GRIN2D: variants seen among roughly 807,000 people sequenced by gnomAD.
The protein encoded by GRIN2D is glutamate ionotropic receptor NMDA type subunit 2D.
In GRIN2D, 37 loss-of-function variants were observed where a neutral mutation model predicts 103.2. That is an observed-to-expected ratio of 0.36 (90% CI 0.28 to 0.47). The LOEUF (loss-of-function observed/expected upper bound fraction) is 0.47, where lower values mean the gene tolerates loss of function less well. GRIN2D is among the 20% of genes least tolerant of loss of function. The pLI is 1.00. For synonymous variants in GRIN2D, 845 were observed against 885.6 expected (o/e 0.95, Z 0.81); for missense variants, 1,557 against 1,910.6 (o/e 0.81, Z 3.45).
intron 10 of GRIN2D, among the ~76,000 whole-genome samples, chr19:48,420,407 G>A (rs1971007638): frequency 6.6e-6 from 1 of 151,848 alleles, no homozygotes; most frequent in Non-Finnish European, 1.5e-5. Context: ...CAGCCAGCGC[G>A]ACAGAGTTAG....
chr19:48,402,041 A>G (rs1203612826), intron 3 of GRIN2D, among the ~76,000 whole-genome samples: 1 of 151,754 alleles, frequency 6.6e-6, no homozygotes, highest in Non-Finnish European at 1.5e-5. Flanking sequence ...TGGAGGTTGC[A>G]GTGAGGCGAG....
chr19:48,409,049 A>T (rs560973777), intron 4 of GRIN2D, among the ~76,000 whole-genome samples: 1 of 151,996 alleles, frequency 6.6e-6, no homozygotes, highest in South Asian at 2.1e-4. Context: ...CAACATCAAG[A>T]TGTCACCGTC....
intron 11 of GRIN2D, among the ~76,000 whole-genome samples, chr19:48,428,606 G>A (rs962730632): frequency 1.3e-5 from 2 of 151,686 alleles, no homozygotes; most frequent in East Asian, 3.9e-4. Context: ...CAGGTGATCC[G>A]CCTGCCACGG....
chr19:48,421,445 C>A lies in GRIN2D; in HGVS notation c.2092-340C>A, dbSNP rs1569066472. ...CTCCGTTTAAAAAAAAAAAAGTGAACTATTTCTGAACGGATTGGTAAATAG... is the reference window on the plus strand; with the variant it reads ...CTCCGTTTAAAAAAAAAAAAGTGAAATATTTCTGAACGGATTGGTAAATAG... On this transcript the variant is annotated intron_variant, in intron 10 of 13. Transcript: ENST00000263269. This position sits in a 1 kb window ranked among gnomAD's most constrained non-coding sequence, Gnocchi z 4.8. 6.6e-6 allele frequency among the ~76,000 whole-genome samples: 1 copy of A among 150,766 alleles called. No homozygotes were observed. The highest frequency in any genetic ancestry group is 2.5e-5 in the African/African-American group (1 of 40,808).
Position 48,442,986 on chromosome 19 carries a change from CG to C in GRIN2D, c.3061del (p.Ala1021ProfsTer497). ...GCGACAAGGAGCCAGCCGAGCCCCC[CG>C]CCGGCGCCTTCCCCGGCTTCCCGTC... ...VRDKEPAEPP[A>X]GAFPGFPSPP... On this transcript the variant is annotated frameshift_variant, in exon 14 of 14. Transcript: ENST00000263269. LOFTEE classifies it high-confidence loss of function. This position sits in a 1 kb window ranked among gnomAD's most constrained non-coding sequence, Gnocchi z 7.2. 1 of 1,109,134 alleles carries C rather than the reference CG, an allele frequency of 9.0e-7. No individual in the cohort carries two copies. 68.7% of individuals were successfully genotyped at this position (1,109,134 alleles called of 1,614,324 possible).
chr19:48,430,260 C>G (rs538483574), intron 11 of GRIN2D, among the ~76,000 whole-genome samples: 1 of 152,104 alleles, frequency 6.6e-6, no homozygotes, highest in Non-Finnish European at 1.5e-5. Context: ...AGTGCAGTGG[C>G]GTGATCTTGG....
chr19:48,402,765 C>CGAGAGAGAGAGAGAGAGAGAGAGA (rs35263933), intron 3 of GRIN2D, among the ~76,000 whole-genome samples: 4 of 108,964 alleles, frequency 3.7e-5, no homozygotes, highest in African/African-American at 1.5e-4. Flanking sequence ...TACTCCTTTA[C>CGAGAGAGAGAGAGAGAGAGAGAGA]GAGAGAGAGA....
chr19:48,423,263 C>T (rs940163010), intron 11 of GRIN2D, among the ~76,000 whole-genome samples: 2 of 152,044 alleles, frequency 1.3e-5, no homozygotes, highest in Non-Finnish European at 2.9e-5. Flanking sequence ...GTGCAGCCCA[C>T]GAATACAACA....
rs532533797 is a variant in GRIN2D at position 48,422,408 on chromosome 19, C to T, written c.2252+463C>T. Among the ~76,000 whole-genome samples the T allele has an allele frequency of 3.9e-5, 6 of 152,122 alleles. No individual in the cohort carries two copies. The South Asian group carries it at 6.2e-4, about 16-fold the overall frequency. ...CAGGCGGATCACAAGGTCAGGAGAT[C>T]GAGACCATCCTGGCCAACATGGTGA... On this transcript the variant is annotated intron_variant, in intron 11 of 13. Coordinates refer to ENST00000263269, the MANE Select transcript of GRIN2D (RefSeq NM_000836.4).
intron 4 of GRIN2D, among the ~76,000 whole-genome samples, chr19:48,406,127 G>T (rs1006472267): frequency 6.6e-6 from 1 of 152,180 alleles, no homozygotes; most frequent in Admixed American, 6.5e-5. Flanking sequence ...ATTCTGATTA[G>T]CTAGACGCCT....
chr19:48,412,384 GAAGA>G (rs1299798964), intron 4 of GRIN2D, among the ~76,000 whole-genome samples: 1 of 121,048 alleles, frequency 8.3e-6, no homozygotes, highest in Admixed American at 8.8e-5. Context: ...AAAAAGAAAA[GAAGA>G]AAGAGAAAGA....
chr19:48,410,527 CAA>C (rs4009666), intron 4 of GRIN2D, among the ~76,000 whole-genome samples: 7 of 45,416 alleles, frequency 1.5e-4, no homozygotes, highest in East Asian at 1.5e-3. Flanking sequence ...GACTCTGACT[CAA>C]AAAAAAAAAA....
chr19:48,433,800 A>G lies in GRIN2D; in HGVS notation c.2253-7969A>G, dbSNP rs533077585. Among the ~76,000 whole-genome samples the G allele has an allele frequency of 7.9e-5, 12 of 152,338 alleles. No homozygotes were observed. In the East Asian group the frequency reaches 2.3e-3, roughly 29 times the overall value. On this transcript the variant is annotated intron_variant, in intron 11 of 13. Coordinates refer to ENST00000263269, the MANE Select transcript of GRIN2D (RefSeq NM_000836.4). ...CACTCACACATTCCAAACTAACAGT[A>G]CACACTGTTCTCATCTTGCCTTTTT...
chr19:48,422,922 C>T (rs1404410245), intron 11 of GRIN2D, among the ~76,000 whole-genome samples: 3 of 152,094 alleles, frequency 2.0e-5, no homozygotes, highest in Non-Finnish European at 4.4e-5. Flanking sequence ...GAAACCCCAT[C>T]TCTACTTAAA....
At chr19:48,400,334 C>T (rs955923077) in intron 3 of GRIN2D, among the ~76,000 whole-genome samples, 9 of 152,202 alleles carry the variant, frequency 5.9e-5, no homozygotes, top group Admixed American at 2.0e-4. Context: ...GCTGTGCGGG[C>T]CTGTGGCTGT....
intron 3 of GRIN2D, among the ~76,000 whole-genome samples, chr19:48,402,115 G>GGAAAGAAAAAGAAAGAAAGAAA: frequency 1.1e-5 from 1 of 88,058 alleles, no homozygotes; most frequent in Non-Finnish European, 2.1e-5. Flanking sequence ...AGAAAGAGAA[G>GGAAAGAAAAAGAAAGAAAGAAA]GAAAGAAAGA....
In GRIN2D at chr19:48,414,552, C is replaced by T; in HGVS notation, c.1380C>T (p.Val460=). The part of the protein sequence containing the change: ...PISGTCIRDS[V]PCRSQLNRTH... ...GCGGCACCTGCATCCGAGACTCCGT[C>T]CCCTGCCGGAGCCAGCTCAACCGAA... Residue 460 remains valine, a synonymous_variant, in exon 6 of 14, where the codon GTC becomes GTT. Transcript: ENST00000263269. This position sits in a 1 kb window ranked among gnomAD's most constrained non-coding sequence, Gnocchi z 4.6. 2 of 1,553,792 alleles carry T rather than the reference C, an allele frequency of 1.3e-6. No homozygotes were observed. The highest frequency in any genetic ancestry group is 1.7e-6 in the Non-Finnish European group (2 of 1,149,100).
chr19:48,415,924 C>G, intron 7 of GRIN2D, 78 bp from the exon 8 acceptor site: 1 of 1,334,762 alleles, frequency 7.5e-7, no homozygotes, highest in Middle Eastern at 2.4e-4. Context: ...TCCCGGGGCC[C>G]GTCTCTGCTC....
At chr19:48,410,820 G>A (rs1970849066) in intron 4 of GRIN2D, among the ~76,000 whole-genome samples, 1 of 152,084 alleles carries the variant, frequency 6.6e-6, no homozygotes, top group Non-Finnish European at 1.5e-5. Context: ...AGAGCCCCAG[G>A]CCAGGAAGAA....
Sources: gnomAD v4.1 joint callset for allele counts (sites outside exome capture counted in the v4.1 genomes callset) on GRCh38, gnomAD v4.1.1 for gene constraint, Gnocchi (gnomAD v3.1) non-coding constraint, MANE v1.5 for transcripts, NCBI Gene and HGNC (gene_info 2026-07-23, HGNC 2026-07-21) for gene names.